MSANTD2: variants seen among roughly 807,000 people sequenced by gnomAD.
MSANTD2 encodes myb/SANT-like DNA-binding domain-containing protein 2.
In MSANTD2, 19 loss-of-function variants were observed where a neutral mutation model predicts 52.6. The observed-to-expected ratio is 0.36, with a 90% confidence interval of 0.25 to 0.53. MSANTD2 has a LOEUF of 0.53. Ranked by LOEUF, MSANTD2 falls within the 20% of genes least tolerant of loss-of-function variation. MSANTD2 has a pLI of 0.91. For missense variants in MSANTD2, 558 were observed against 716.3 expected (o/e 0.78, Z 2.52); for synonymous variants, 291 against 289.7 (o/e 1.00, Z -0.04).
Position 124,767,788 on chromosome 11 carries a change from T to C in MSANTD2, c.1068A>G (p.Gly356=). The C allele has an allele frequency of 1.2e-6, 2 of 1,614,260 alleles. No homozygotes were observed. The highest frequency in any genetic ancestry group is 1.7e-6 in the Non-Finnish European group (2 of 1,180,036). The change falls in exon 4 of 4, where the codon GGA becomes GGG. Residue 356 remains glycine (G), a synonymous_variant. Transcript: ENST00000374979. The surrounding 1 kb of genome is among the most constrained non-coding windows in gnomAD (Gnocchi z 6.5). ...TCTGCACTCGGGTCATAATGATCCG[T>C]CCTTCAGGCTTCTCAGAGTTGAAGT... ...REYFNSEKPE[G]RIIMTRVQKM... is the part of the protein sequence containing the mutation.
Position 124,800,001 on chromosome 11 carries a change from TG to T in MSANTD2, c.379del (p.Gln127SerfsTer53). On this transcript the variant is annotated frameshift_variant, in exon 1 of 4. Transcript: ENST00000374979. LOFTEE classifies it high-confidence loss of function. The surrounding 1 kb of genome is among the most constrained non-coding windows in gnomAD (Gnocchi z 4.3). ...CACCGTGCCGGCTCCCTCCAGCTGC[TG>T]GTACCGCGCCTCCACCAGCCGCTCG... The part of the protein sequence containing the change: ...GNERLVEARY[Q>X]QLEGAGTVFG... The T allele has an allele frequency of 6.3e-7, 1 of 1,583,676 alleles. No individual in the cohort carries two copies. The highest frequency in any genetic ancestry group is 1.1e-5 in the South Asian group (1 of 89,246).
intron 1 of MSANTD2, among the ~76,000 whole-genome samples, chr11:124,781,000 T>A (rs919109532): frequency 6.6e-6 from 1 of 152,140 alleles, no homozygotes; most frequent in African/African-American, 2.4e-5. Flanking sequence ...CTGGCCAATA[T>A]GGCATAACCC....
chr11:124,791,441 C>T (rs1441828267), intron 1 of MSANTD2: 48 of 1,268,744 alleles, frequency 3.8e-5, no homozygotes, highest in South Asian at 6.0e-5. Context: ...CACAGACTTC[C>T]GGACCCCTCC....
At chr11:124,770,122 T>G (rs1295094495) in intron 3 of MSANTD2, among the ~76,000 whole-genome samples, 4 of 152,144 alleles carry the variant, frequency 2.6e-5, no homozygotes, top group African/African-American at 9.7e-5. Context: ...AAAGTTTAAG[T>G]GGTTTGAGAT....
intron 3 of MSANTD2, among the ~76,000 whole-genome samples, chr11:124,769,538 C>T (rs1944424600): frequency 6.6e-6 from 1 of 152,150 alleles, no homozygotes; most frequent in South Asian, 2.1e-4. Flanking sequence ...ACCATCTTTC[C>T]CTGCCCTCCT....
chr11:124,783,048 A>G (rs552834580), intron 1 of MSANTD2, among the ~76,000 whole-genome samples: 1 of 152,322 alleles, frequency 6.6e-6, no homozygotes, highest in Non-Finnish European at 1.5e-5. Context: ...AAAGTAAACA[A>G]GCAAATGAAA....
rs911794228 is a variant in MSANTD2 at position 124,800,167 on chromosome 11, C to T, written c.214G>A (p.Gly72Ser). Residue 72 changes from glycine to serine, a missense_variant, in exon 1 of 4, where the codon GGC becomes AGC. Transcript: ENST00000374979. The surrounding 1 kb of genome is among the most constrained non-coding windows in gnomAD (Gnocchi z 4.3). ...ACCGAGGACGAGGCGGCGCTGCGGC[C>T]CCCCAGCCCCAGCCCGAGACCCCCG... ...ASGGLGLGLGGRSAASSSVSF... is the reference protein window; with the variant it reads ...ASGGLGLGLGSRSAASSSVSF... 1.4e-6 allele frequency: 2 copies of T among 1,466,044 alleles called. No homozygotes were observed. Among genetic ancestry groups the T allele is most frequent in the Non-Finnish European group, 1.8e-6 (2 of 1,116,102 alleles). 90.8% of individuals were successfully genotyped at this position (1,466,044 alleles called of 1,614,324 possible). A position where few individuals can be genotyped will look rare whatever the true frequency, so the allele number is the denominator to read the frequency against.
intron 1 of MSANTD2, among the ~76,000 whole-genome samples, chr11:124,788,617 A>G (rs1021154903): frequency 5.9e-5 from 9 of 152,232 alleles, no homozygotes; most frequent in African/African-American, 1.2e-4. Context: ...CCTAAACTGT[A>G]TAACAGAGAA....
intron 1 of MSANTD2, chr11:124,791,619 G>C (rs757400925): frequency 6.8e-6 from 10 of 1,479,634 alleles, no homozygotes; most frequent in Non-Finnish European, 8.5e-6. Flanking sequence ...CAGTGGGATC[G>C]GCAGCTTCCA....
chr11:124,799,840 G>C, intron 1 of MSANTD2, 31 bp downstream of exon 1: 2 of 1,532,010 alleles, frequency 1.3e-6, no homozygotes, highest in Non-Finnish European at 1.8e-6. Flanking sequence ...TCTGCCTCTG[G>C]TTCGCTGCCC....
At chr11:124,772,721 A>G (rs574814586) in intron 3 of MSANTD2, among the ~76,000 whole-genome samples, 2 of 132,784 alleles carry the variant, frequency 1.5e-5, no homozygotes, top group South Asian at 2.6e-4. Context: ...TGGGTGACAG[A>G]GCGAGAGCGA....
intron 1 of MSANTD2, among the ~76,000 whole-genome samples, chr11:124,788,437 A>C (rs1945232970): frequency 1.3e-5 from 2 of 152,200 alleles, no homozygotes; most frequent in Non-Finnish European, 2.9e-5. Flanking sequence ...AGGTTTCATG[A>C]ATATATGGTT....
intron 1 of MSANTD2, among the ~76,000 whole-genome samples, chr11:124,778,664 G>A (rs1292906382): frequency 6.6e-6 from 1 of 152,200 alleles, no homozygotes; most frequent in Admixed American, 6.5e-5. Flanking sequence ...ACCATGCCAA[G>A]TGCTTCATGA....
In MSANTD2 at chr11:124,800,133, G is replaced by T; in HGVS notation, c.248C>A (p.Ser83Tyr). Residue 83 changes from serine (S) to tyrosine (Y), a missense_variant, in exon 1 of 4, where the codon TCC becomes TAC. Physicochemically the swap from Ser to Tyr is moderately radical, Grantham distance 144. Around this residue, in one of 2 missense-constraint regions of MSANTD2, gnomAD observed 150 missense variants for 142.7 expected, o/e 1.05. Coordinates refer to ENST00000374979, the MANE Select transcript of MSANTD2 (RefSeq NM_001308027.2). This position sits in a 1 kb window ranked among gnomAD's most constrained non-coding sequence, Gnocchi z 4.3. ...RSAASSSVSFSPGGGGGGAAA... is the reference protein window; with the variant it reads ...RSAASSSVSFYPGGGGGGAAA... ...AGCCCCGCCACCGCCGCCACCAGGG[G>T]AGAAGGAGACCGAGGACGAGGCGGC... 4 of 1,484,582 alleles carry T rather than the reference G, an allele frequency of 2.7e-6. No homozygotes were observed. Among genetic ancestry groups the T allele is most frequent in the Non-Finnish European group, 3.6e-6 (4 of 1,126,164 alleles). 92.0% of individuals were successfully genotyped at this position (1,484,582 alleles called of 1,614,324 possible).
intron 3 of MSANTD2, among the ~76,000 whole-genome samples, chr11:124,772,103 G>C (rs868316461): frequency 5.9e-5 from 9 of 152,318 alleles, no homozygotes; most frequent in Middle Eastern, 3.4e-3. Flanking sequence ...AGATCAAATT[G>C]TATGGACCAG....
At chr11:124,778,307 T>C (rs1221881182) in intron 1 of MSANTD2, among the ~76,000 whole-genome samples, 3 of 152,216 alleles carry the variant, frequency 2.0e-5, no homozygotes, top group South Asian at 2.1e-4. Context: ...TCCTAGAAAT[T>C]TGTAGTAACT....
intron 1 of MSANTD2, chr11:124,790,533 T>C (rs772695723): frequency 6.6e-6 from 1 of 152,256 alleles, no homozygotes; most frequent in Non-Finnish European, 1.5e-5. Flanking sequence ...ATATGAAATT[T>C]ATTCTTGTGT....
intron 1 of MSANTD2, among the ~76,000 whole-genome samples, chr11:124,782,468 T>C (rs1462294739): frequency 1.3e-5 from 2 of 151,710 alleles, no homozygotes; most frequent in Non-Finnish European, 2.9e-5. Context: ...AAAATAAAAA[T>C]AGAAAAACGT....
chr11:124,766,988 T>A lies in MSANTD2; in HGVS notation c.*188A>T. ...ATATCTTGCTTGCTCAAAATGAGCA[T>A]TTTCAGGTGAGGTCTGTTTTTTCTG... is the stretch of plus-strand genomic sequence containing the variant. On this transcript the variant is annotated 3_prime_UTR_variant, in exon 4 of 4. Transcript: ENST00000374979. The A allele has an allele frequency of 1.7e-6, 1 of 572,604 alleles. No individual in the cohort carries two copies. Among genetic ancestry groups the A allele is most frequent in the Admixed American group, 3.0e-5 (1 of 33,444 alleles). The allele number at this position is 572,604 out of a possible 1,614,324, so 35.5% of individuals were successfully genotyped here. A position where few individuals can be genotyped will look rare whatever the true frequency, so the allele number is the denominator to read the frequency against.
Sources: gnomAD v4.1 joint callset for allele counts (sites outside exome capture counted in the v4.1 genomes callset) on GRCh38, gnomAD v4.1.1 for gene constraint, gnomAD v4.1.1 regional missense constraint, Gnocchi (gnomAD v3.1) non-coding constraint, MANE v1.5 for transcripts, NCBI Gene and HGNC (gene_info 2026-07-23, HGNC 2026-07-21) for gene names.